The following RFC3 variants were observed in gnomAD, a reference collection of about 807,000 sequenced individuals.
RFC3 encodes replication factor C subunit 3.
Under a neutral mutation model 45.1 loss-of-function variants are expected in RFC3, and 41 were observed. The ratio of observed to expected loss-of-function variants is 0.91; its 90% CI spans 0.71 to 1.18. The LOEUF (loss-of-function observed/expected upper bound fraction) is 1.18, where lower values mean the gene tolerates loss of function less well. Among genes scored for constraint, RFC3 ranks in the 50% most tolerant of loss-of-function variants. The pLI is 0.00. For synonymous variants in RFC3, 149 were observed against 144.0 expected (o/e 1.03, Z -0.25); for missense variants, 423 against 428.1 (o/e 0.99, Z 0.10).
At chr13:33,821,655 C>G (rs2082004990) in intron 2 of RFC3, among the ~76,000 whole-genome samples, 1 of 152,128 alleles carries the variant, frequency 6.6e-6, no homozygotes, top group South Asian at 2.1e-4. Flanking sequence ...TATCAAGTGA[C>G]TTGGTAAAGA....
chr13:33,922,523 TTGA>T (rs2137738004), intron 8 of RFC3, among the ~76,000 whole-genome samples: 1 of 152,272 alleles, frequency 6.6e-6, no homozygotes, highest in African/African-American at 2.4e-5. Context: ...AATTTACTTG[TTGA>T]TATTATTAAT....
At chr13:33,833,597 A>G (rs1337861882) in intron 7 of RFC3, among the ~76,000 whole-genome samples, 2 of 152,182 alleles carry the variant, frequency 1.3e-5, no homozygotes, top group Non-Finnish European at 2.9e-5. Context: ...CACAAGATGC[A>G]TGTTAACATG....
At chr13:33,899,953 C>T (rs76068623) in intron 8 of RFC3, among the ~76,000 whole-genome samples, 2,495 of 151,742 alleles carry the variant, frequency 0.016, 60 homozygotes, top group African/African-American at 0.05. Flanking sequence ...TATAAAACAC[C>T]TAGGAATCAA....
chr13:33,911,698 C>T (rs1319154577), intron 8 of RFC3, among the ~76,000 whole-genome samples: 1 of 151,960 alleles, frequency 6.6e-6, no homozygotes, highest in African/African-American at 2.4e-5. Context: ...TACAACAACC[C>T]ACTCTTGAGG....
intron 1 of RFC3, among the ~76,000 whole-genome samples, chr13:33,819,552 G>C (rs1426736865): frequency 6.6e-6 from 1 of 152,122 alleles, no homozygotes; most frequent in Non-Finnish European, 1.5e-5. Context: ...ATAGTGTTGT[G>C]ACATTGAAGG....
At chr13:33,880,995 G>T (rs1365536604) in intron 8 of RFC3, among the ~76,000 whole-genome samples, 3 of 152,174 alleles carry the variant, frequency 2.0e-5, no homozygotes, top group Admixed American at 1.3e-4. Context: ...GGCAGAGGTT[G>T]CAGTGAGCTG....
chr13:33,838,519 T>A (rs1259439190), downstream of RFC3, among the ~76,000 whole-genome samples: 1 of 152,146 alleles, frequency 6.6e-6, no homozygotes, highest in Non-Finnish European at 1.5e-5. Context: ...TAGCCAGTAG[T>A]CTTGAGGTTG....
intron 8 of RFC3, among the ~76,000 whole-genome samples, chr13:33,959,372 C>T (rs573072741): frequency 6.6e-6 from 1 of 152,260 alleles, no homozygotes; most frequent in Non-Finnish European, 1.5e-5. Flanking sequence ...CTGTTATTCC[C>T]AGTTCTTCCC....
chr13:33,826,378 A>G (rs1163070439), intron 4 of RFC3, among the ~76,000 whole-genome samples: 1 of 152,198 alleles, frequency 6.6e-6, no homozygotes. Flanking sequence ...TATACTACCA[A>G]TAGCAGTGTT....
chr13:33,830,276 G>A (rs191070742), intron 5 of RFC3, among the ~76,000 whole-genome samples: 16 of 152,276 alleles, frequency 1.1e-4, no homozygotes, highest in Admixed American at 3.3e-4. Context: ...GTAAGGGCTA[G>A]TTATTTACTG....
At chr13:33,951,234 T>TC (rs1491294740) in intron 8 of RFC3, among the ~76,000 whole-genome samples, 2 of 117,246 alleles carry the variant, frequency 1.7e-5, no homozygotes, top group Admixed American at 9.5e-5. Context: ...TATAAGTACA[T>TC]TTTTTTTTTT....
At chr13:33,972,812 A>T in the RFC3 span, among the ~76,000 whole-genome samples, 1 of 152,190 alleles carries the variant, frequency 6.6e-6, no homozygotes, top group Non-Finnish European at 1.5e-5. Flanking sequence ...TTAGATGCTA[A>T]TGTATTACAC....
the RFC3 span, among the ~76,000 whole-genome samples, chr13:33,975,013 G>T: frequency 6.6e-6 from 1 of 152,136 alleles, no homozygotes; most frequent in Non-Finnish European, 1.5e-5. Flanking sequence ...GCTATACATT[G>T]TCTTACCATA....
At chr13:33,843,336 T>C (rs1420066609) in intron 8 of RFC3, among the ~76,000 whole-genome samples, 1 of 152,168 alleles carries the variant, frequency 6.6e-6, no homozygotes, top group Non-Finnish European at 1.5e-5. Flanking sequence ...GCAAAAATAG[T>C]GGTCTCCACA....
chr13:33,953,416 G>T (rs558582989), intron 8 of RFC3, among the ~76,000 whole-genome samples: 1 of 151,062 alleles, frequency 6.6e-6, no homozygotes, highest in Admixed American at 6.6e-5. Flanking sequence ...TGGCAATGTT[G>T]TGGTTGAAAT....
chr13:33,836,507 TTAGAGTC>T lies in RFC3; in HGVS notation c.*215_*221del. The T allele has an allele frequency of 1.6e-6, 2 of 1,271,860 alleles. No individual in the cohort carries two copies. The highest frequency in any genetic ancestry group is 2.0e-6 in the Non-Finnish European group (2 of 1,004,228). The allele number at this position is 1,271,860 out of a possible 1,614,324, so 78.8% of individuals were successfully genotyped here. The stretch of plus-strand genomic sequence containing the variant: ...TAGTTTTGTACATAACTTAGAGACT[TTAGAGTC>T]TAAGAAAATGATCTTAATTTACTTT... On this transcript the variant is annotated 3_prime_UTR_variant, in exon 9 of 9. Coordinates refer to ENST00000380071, the MANE Select transcript of RFC3 (RefSeq NM_002915.4).
downstream of RFC3, among the ~76,000 whole-genome samples, chr13:33,969,989 A>T (rs2083103509): frequency 1.3e-5 from 2 of 150,470 alleles, no homozygotes; most frequent in South Asian, 4.2e-4. Flanking sequence ...TTGCATAGAT[A>T]AACATGTGCC....
intron 5 of RFC3, among the ~76,000 whole-genome samples, chr13:33,830,425 A>T (rs965671418): frequency 3.9e-5 from 6 of 152,202 alleles, no homozygotes; most frequent in Non-Finnish European, 7.3e-5. Context: ...ATTAATATGA[A>T]TATATATACA....
chr13:33,878,527 T>C (rs1368887646), intron 8 of RFC3, among the ~76,000 whole-genome samples: 1 of 151,916 alleles, frequency 6.6e-6, no homozygotes, highest in Non-Finnish European at 1.5e-5. Flanking sequence ...TCAGGAAAAA[T>C]GTGATGAGGA....
Sources: gnomAD v4.1 joint callset for allele counts (sites outside exome capture counted in the v4.1 genomes callset) on GRCh38, gnomAD v4.1.1 for gene constraint, MANE v1.5 for transcripts, NCBI Gene and HGNC (gene_info 2026-07-23, HGNC 2026-07-21) for gene names.